The following LOC128706666 variants were observed in gnomAD, a reference collection of about 807,000 sequenced individuals.
the LOC128706666 span, among the ~76,000 whole-genome samples, chr20:10,417,395 G>C: frequency 6.6e-6 from 1 of 152,192 alleles, no homozygotes; most frequent in Non-Finnish European, 1.5e-5. Flanking sequence ...AGGATTGCTT[G>C]AGGCCAGAAA....
At chr20:10,427,350 T>G in the LOC128706666 span, among the ~76,000 whole-genome samples, 1 of 152,178 alleles carries the variant, frequency 6.6e-6, no homozygotes, top group Non-Finnish European at 1.5e-5. Context: ...ATTGCTGTTG[T>G]GATTTGAAAA....
the LOC128706666 span, chr20:10,413,721 A>G: frequency 1.6e-6 from 1 of 620,128 alleles, no homozygotes; most frequent in Non-Finnish European, 2.8e-6. Flanking sequence ...GTAATTCCAA[A>G]TATTTATTTT....
the LOC128706666 span, among the ~76,000 whole-genome samples, chr20:10,432,789 CAAAAAAAAAAAAA>C: frequency 1.3e-5 from 1 of 74,590 alleles, no homozygotes; most frequent in Non-Finnish European, 2.5e-5. Flanking sequence ...GACTCTTTGT[CAAAAAAAAAAAAA>C]AAAAAAAAAA....
At chr20:10,426,446 C>A in the LOC128706666 span, among the ~76,000 whole-genome samples, 1 of 152,208 alleles carries the variant, frequency 6.6e-6, no homozygotes, top group South Asian at 2.1e-4. Flanking sequence ...CACTCTGTTG[C>A]CCAAGGGGGA....
At chr20:10,420,435 T>G in the LOC128706666 span, 1 of 152,216 alleles carries the variant, frequency 6.6e-6, no homozygotes, top group Non-Finnish European at 1.5e-5. Flanking sequence ...AACTTACCAA[T>G]TTAGGCTTTT....
chr20:10,414,963 T>C, the LOC128706666 span, among the ~76,000 whole-genome samples: 22 of 152,290 alleles, frequency 1.4e-4, no homozygotes, highest in African/African-American at 5.1e-4. Context: ...CCAAGGGATA[T>C]GCTGGATAAC....
chr20:10,425,311 T>A, the LOC128706666 span, among the ~76,000 whole-genome samples: 5 of 152,180 alleles, frequency 3.3e-5, no homozygotes, highest in Admixed American at 2.0e-4. Context: ...ATTTGACCAA[T>A]CTGTGATTGA....
At chr20:10,423,721 T>G in the LOC128706666 span, among the ~76,000 whole-genome samples, 10 of 152,322 alleles carry the variant, frequency 6.6e-5, no homozygotes, top group South Asian at 2.1e-4. Context: ...TTATGTATAT[T>G]GTGCTTAACA....
At chr20:10,427,835 G>C in the LOC128706666 span, among the ~76,000 whole-genome samples, 2 of 152,138 alleles carry the variant, frequency 1.3e-5, no homozygotes, top group Non-Finnish European at 2.9e-5. Context: ...TCATAATTGA[G>C]TTCTAAAGTT....
the LOC128706666 span, among the ~76,000 whole-genome samples, chr20:10,415,392 G>A: frequency 2.0e-5 from 3 of 152,110 alleles, no homozygotes; most frequent in Non-Finnish European, 4.4e-5. Flanking sequence ...GCAGAACAAG[G>A]GAATGTTATG....
At chr20:10,431,526 AAAAACC>A in the LOC128706666 span, among the ~76,000 whole-genome samples, 2 of 128,386 alleles carry the variant, frequency 1.6e-5, no homozygotes, top group African/African-American at 7.5e-5. Context: ...TATAGGGTCA[AAAAACC>A]AAACCAAACC....
At chr20:10,431,714 T>C in the LOC128706666 span, 1 of 152,202 alleles carries the variant, frequency 6.6e-6, no homozygotes. Context: ...GGAGTCAAGA[T>C]CTAGAAAAAC....
At chr20:10,413,741 T>C in the LOC128706666 span, 1 of 605,296 alleles carries the variant, frequency 1.7e-6, no homozygotes, top group African/African-American at 1.9e-5. Context: ...TACTTCACTC[T>C]TCAATACTCT....
the LOC128706666 span, among the ~76,000 whole-genome samples, chr20:10,424,918 T>C: frequency 6.6e-6 from 1 of 151,970 alleles, no homozygotes; most frequent in African/African-American, 2.4e-5. Flanking sequence ...GCTGGTGTGG[T>C]GGCAGGCGCC....
chr20:10,421,894 T>A, the LOC128706666 span, among the ~76,000 whole-genome samples: 5 of 152,174 alleles, frequency 3.3e-5, no homozygotes, highest in Admixed American at 2.0e-4. Flanking sequence ...AAAGACTCCT[T>A]ATACTCTTAA....
chr20:10,426,347 T>C, the LOC128706666 span, among the ~76,000 whole-genome samples: 1 of 152,216 alleles, frequency 6.6e-6, no homozygotes, highest in Admixed American at 6.5e-5. Context: ...TTGGAGGGCG[T>C]GAGGCACACC....
At chr20:10,425,127 C>A in the LOC128706666 span, among the ~76,000 whole-genome samples, 1 of 151,360 alleles carries the variant, frequency 6.6e-6, no homozygotes, top group Non-Finnish European at 1.5e-5. Context: ...TATAACCTTA[C>A]TTTTTAAAGT....
chr20:10,432,703 G>A, the LOC128706666 span, among the ~76,000 whole-genome samples: 99 of 146,620 alleles, frequency 6.8e-4, no homozygotes, highest in African/African-American at 2.2e-3. Flanking sequence ...GCTAAGGCAG[G>A]GAGAATTGCT....
chr20:10,431,516 T>C, the LOC128706666 span, among the ~76,000 whole-genome samples: 1 of 145,386 alleles, frequency 6.9e-6, no homozygotes, highest in African/African-American at 2.7e-5. Flanking sequence ...CTCAATGCTG[T>C]ATAGGGTCAA....
Sources: allele counts gnomAD v4.1 joint callset (sites outside exome capture counted in the v4.1 genomes callset), GRCh38; gene constraint gnomAD v4.1.1; transcripts MANE v1.5.